The following C1orf105 variants were observed in gnomAD, a reference collection of about 807,000 sequenced individuals.
C1orf105 encodes the protein uncharacterized protein C1orf105.
Under a neutral mutation model 20.8 loss-of-function variants are expected in C1orf105, and 17 were observed. The ratio of observed to expected loss-of-function variants is 0.82; its 90% confidence interval spans 0.56 to 1.23. C1orf105 has a LOEUF of 1.23. Ranked by LOEUF, C1orf105 falls within the 50% of genes most tolerant of loss-of-function variation. The probability of loss-of-function intolerance (pLI) is 0.00; values close to 1 mark genes in which losing one functional copy is unlikely to be tolerated. For synonymous variants in C1orf105, 72 were observed against 72.1 expected, an observed-to-expected ratio of 1.00 and a Z score of 0.01; for missense variants, 219 against 213.5, an observed-to-expected ratio of 1.03 and a Z score of -0.16.
rs1649281883 is a variant in C1orf105 at position 172,456,638 on chromosome 1, G to T, written c.273+149G>T. Reference sequence around the variant, plus strand: ...TGCCAAGGAGGAACTGTTGGTCCTGGGAGCAGCATCGACTGACAGAACATG... The same window carrying T: ...TGCCAAGGAGGAACTGTTGGTCCTGTGAGCAGCATCGACTGACAGAACATG... On this transcript the variant is annotated intron_variant, in intron 4 of 6. Coordinates refer to ENST00000367727, the MANE Select transcript of C1orf105 (RefSeq NM_139240.4). 1.6e-5 allele frequency: 11 copies of T among 684,688 alleles called. No individual in the cohort carries two copies. In the Admixed American group the frequency reaches 2.9e-4, roughly 18 times the overall value. The allele number at this position is 684,688 out of a possible 1,614,324, so 42.4% of individuals were successfully genotyped here.
chr1:172,466,573 T>TACACACACACAC (rs3980398), intron 6 of C1orf105, among the ~76,000 whole-genome samples: 1 of 147,192 alleles, frequency 6.8e-6, no homozygotes. Flanking sequence ...ATGAATCACA[T>TACACACACACAC]ACACACACAC....
intron 1 of C1orf105, chr1:172,441,566 C>T (rs910824165): frequency 1.2e-5 from 7 of 567,144 alleles, no homozygotes; most frequent in Non-Finnish European, 2.1e-5. Flanking sequence ...AAAGGATAAG[C>T]ACCCTCACCA....
chr1:172,443,364 T>C (rs1210625467), intron 1 of C1orf105: 1 of 166,956 alleles, frequency 6.0e-6, no homozygotes, highest in East Asian at 1.9e-4. Flanking sequence ...ATGTTATTTG[T>C]ATTTTTTAAG....
chr1:172,463,882 A>G (rs1649864615), intron 5 of C1orf105, among the ~76,000 whole-genome samples: 1 of 152,306 alleles, frequency 6.6e-6, no homozygotes, highest in East Asian at 1.9e-4. Context: ...TTTCAGTGTT[A>G]TGGAGGAAAA....
At chr1:172,440,731 G>T (rs1285590743) in intron 1 of C1orf105, among the ~76,000 whole-genome samples, 1 of 152,160 alleles carries the variant, frequency 6.6e-6, no homozygotes, top group Non-Finnish European at 1.5e-5. Flanking sequence ...GGGCACAGTA[G>T]TAGTCTTATG....
intron 4 of C1orf105, among the ~76,000 whole-genome samples, chr1:172,457,890 A>G (rs748200156): frequency 6.6e-6 from 1 of 152,234 alleles, no homozygotes; most frequent in Non-Finnish European, 1.5e-5. Flanking sequence ...GATAAACTAC[A>G]GAAAGTTAGA....
At position 172,448,511 on chromosome 1, in the gene C1orf105, G is replaced by A. The variant is rs757975050; in HGVS notation, c.178G>A (p.Val60Ile). 1.1e-5 allele frequency: 18 copies of A among 1,611,292 alleles called. No individual in the cohort carries two copies. Among genetic ancestry groups the A allele is most frequent in the Admixed American group, 1.7e-5 (1 of 59,888 alleles). ...TATGAATTTGCCAATTTTGTTTCAA[G>A]TTCCAGATGTTTTATCTAAGGTACT... ...KNMNLPILFQ[V>I]PDVLSKARRN... The change falls in exon 3 of 7, where the codon GTT becomes ATT. Residue 60 changes from valine (V) to isoleucine (I), a missense_variant. Val to Ile is a conservative substitution (Grantham distance 29). Coordinates refer to ENST00000367727, the MANE Select transcript of C1orf105 (RefSeq NM_139240.4).
rs531840498 is a variant in C1orf105 at position 172,424,552 on chromosome 1, G to A, written c.21+3646G>A. ...ACTACAGGTGCCTGCCACCACACCC[G>A]GCTAATTTTTGTATTTTTAGTAGAG... On this transcript the variant is annotated intron_variant, in intron 1 of 6. Coordinates refer to ENST00000367727, the MANE Select transcript of C1orf105 (RefSeq NM_139240.4). Among the ~76,000 whole-genome samples the A allele has an allele frequency of 1.6e-4, 24 of 152,174 alleles. No individual in the cohort carries two copies. The South Asian group carries it at 1.9e-3, about 12-fold the overall frequency.
chr1:172,442,576 T>C, intron 1 of C1orf105: 1 of 1,614,044 alleles, frequency 6.2e-7, no homozygotes. Context: ...ATACAAGACC[T>C]TCTGCCACTT....
intron 2 of C1orf105, among the ~76,000 whole-genome samples, chr1:172,447,769 G>A (rs1182940291): frequency 6.6e-6 from 1 of 152,246 alleles, no homozygotes; most frequent in Non-Finnish European, 1.5e-5. Context: ...AGCATTCTGA[G>A]TTTCTATTTC....
At chr1:172,461,926 G>C (rs1055841413) in intron 4 of C1orf105, among the ~76,000 whole-genome samples, 1 of 152,158 alleles carries the variant, frequency 6.6e-6, no homozygotes, top group Admixed American at 6.5e-5. Flanking sequence ...GTGTGTATTG[G>C]GGGTGGGGGC....
intron 2 of C1orf105, among the ~76,000 whole-genome samples, chr1:172,446,915 C>T (rs1198315205): frequency 1.3e-5 from 2 of 152,188 alleles, no homozygotes; most frequent in South Asian, 2.1e-4. Flanking sequence ...CTCTACTCAT[C>T]GCTATTCTGG....
At chr1:172,432,911 A>C (rs1363105212) in intron 1 of C1orf105, among the ~76,000 whole-genome samples, 1 of 152,268 alleles carries the variant, frequency 6.6e-6, no homozygotes, top group Non-Finnish European at 1.5e-5. Flanking sequence ...AACACCATAG[A>C]CAAGACCTCA....
At chr1:172,452,433 C>T (rs1392878699) in intron 3 of C1orf105, among the ~76,000 whole-genome samples, 1 of 152,188 alleles carries the variant, frequency 6.6e-6, no homozygotes, top group Non-Finnish European at 1.5e-5. Flanking sequence ...CAGTACTCCT[C>T]ACAGGGTGCT....
At chr1:172,428,173 C>G (rs2071771834) in intron 1 of C1orf105, among the ~76,000 whole-genome samples, 1 of 152,190 alleles carries the variant, frequency 6.6e-6, no homozygotes, top group Non-Finnish European at 1.5e-5. Context: ...ACTGTCTTTA[C>G]TTTCAAATTA....
At chr1:172,462,299 C>T in intron 5 of C1orf105, 54 bp downstream of exon 5, 1 of 1,317,098 alleles carries the variant, frequency 7.6e-7, no homozygotes, top group Non-Finnish European at 1.1e-6. Flanking sequence ...TGTCTGAGGA[C>T]ACAGGAGAGT....
Position 172,466,774 on chromosome 1 carries a change from G to A in C1orf105, c.406+1411G>A, listed in dbSNP as rs13375847. On this transcript the variant is annotated intron_variant, in intron 6 of 6. Transcript: ENST00000367727. ...GATTTTGTGTGCACAGGAACAGCAT[G>A]TTATGTTCTTGGATGGCCCTGATTC... 2.4e-3 allele frequency among the ~76,000 whole-genome samples: 359 copies of A among 152,306 alleles called. 3 individuals carry two copies. Among genetic ancestry groups the A allele is most frequent in the African/African-American group, 7.7e-3 (322 of 41,566 alleles).
Position 172,445,085 on chromosome 1 carries a change from A to C in C1orf105, c.34A>C (p.Lys12Gln), listed in dbSNP as rs920650352. The change falls in exon 2 of 7, where the codon AAA becomes CAA. Residue 12 changes from lysine (K) to glutamine (Q), a missense_variant. Transcript: ENST00000367727. ...TATTTCCCTCTAGGCTTCTGTTCCAAAATTTGACAAGATTCCTTGGCTTAG... is the reference window on the plus strand; with the variant it reads ...TATTTCCCTCTAGGCTTCTGTTCCACAATTTGACAAGATTCCTTGGCTTAG... ...EKRELKASVP[K>Q]FDKIPWLSEA... 3 of 1,613,230 alleles carry C rather than the reference A, an allele frequency of 1.9e-6. No individual in the cohort carries two copies. The African/African-American group carries it at 4.0e-5, about 22-fold the overall frequency.
chr1:172,428,193 C>T (rs1303123108), intron 1 of C1orf105, among the ~76,000 whole-genome samples: 2 of 152,168 alleles, frequency 1.3e-5, no homozygotes, highest in Admixed American at 6.5e-5. Flanking sequence ...ACATATAGAA[C>T]GTGACTATTT....
Sources: gnomAD v4.1 joint callset for allele counts (sites outside exome capture counted in the v4.1 genomes callset) on GRCh38, gnomAD v4.1.1 for gene constraint, MANE v1.5 for transcripts, NCBI Gene and HGNC (gene_info 2026-07-23, HGNC 2026-07-21) for gene names.